The following STK10 variants were observed in gnomAD, a reference collection of about 807,000 sequenced individuals.
STK10 encodes serine/threonine-protein kinase 10.
A neutral mutation model predicts 113.8 loss-of-function variants in STK10; 78 were observed. The observed-to-expected ratio is 0.69, with a 90% CI of 0.57 to 0.83. The LOEUF is 0.83. Among genes scored for constraint, STK10 ranks in the 40% least tolerant of loss-of-function variants. The pLI is 0.00. For synonymous variants in STK10, 465 were observed against 494.7 expected (o/e 0.94, Z 0.80); for missense variants, 1,109 against 1,280.1 (o/e 0.87, Z 2.04).
At position 172,105,724 on chromosome 5, in the gene STK10, G is replaced by T. The variant is rs35826078; in HGVS notation, c.802C>A (p.Arg268Ser). Reference protein sequence around the residue: ...LTPSKWSVEFRDFLKIALDKN... With the variant: ...LTPSKWSVEFSDFLKIALDKN... Reference sequence around the variant, plus strand: ...TCCAGGGCTATCTTCAGGAAGTCACGGAACTCTACAGACCTGGGAGGACAG... The same window carrying T: ...TCCAGGGCTATCTTCAGGAAGTCACTGAACTCTACAGACCTGGGAGGACAG... The change falls in exon 7 of 19, where the codon CGT (arginine) becomes AGT (serine). Residue 268 changes from arginine to serine, a missense_variant. This residue lies in a region of STK10 where 885 missense variants were observed against 991.1 expected (regional missense o/e 0.89). Coordinates refer to ENST00000176763, the MANE Select transcript of STK10 (RefSeq NM_005990.4). 3 of 1,613,644 alleles carry T rather than the reference G, an allele frequency of 1.9e-6. No homozygotes were observed. The highest frequency in any genetic ancestry group is 2.5e-6 in the Non-Finnish European group (3 of 1,180,010).
chr5:172,064,759 C>T lies in STK10; in HGVS notation c.2043G>A (p.Lys681=), dbSNP rs563727952. Residue 681 remains lysine, a synonymous_variant, in exon 13 of 19, where the codon AAG becomes AAA. Coordinates refer to ENST00000176763, the MANE Select transcript of STK10 (RefSeq NM_005990.4). ...LPRQQRKESM[K]QKMEEHTQKK... Reference sequence around the variant, plus strand: ...TCTGCGTGTGCTCCTCCATCTTCTGCTTCATGCTTTCCTTCCGCTGCTGTC... The same window carrying T: ...TCTGCGTGTGCTCCTCCATCTTCTGTTTCATGCTTTCCTTCCGCTGCTGTC... 3.1e-6 allele frequency: 5 copies of T among 1,614,190 alleles called. No homozygotes were observed. The highest frequency in any genetic ancestry group is 2.2e-5 in the East Asian group (1 of 44,894).
intron 4 of STK10, among the ~76,000 whole-genome samples, chr5:172,114,290 G>A (rs1344294911): frequency 1.5e-5 from 1 of 64,562 alleles, no homozygotes; most frequent in Non-Finnish European, 2.9e-5. Context: ...AGCTACTCTC[G>A]TGTGTGTGTG....
chr5:172,112,305 G>A (rs6892805), intron 4 of STK10, among the ~76,000 whole-genome samples: 6 of 151,790 alleles, frequency 4.0e-5, no homozygotes, highest in South Asian at 2.1e-4. Context: ...ATGTCTGCAC[G>A]CATGTGCATA....
Position 172,093,320 on chromosome 5 carries a change from GA to G in STK10, c.1554+91del, listed in dbSNP as rs1768762063. 1 of 1,364,368 alleles carries G rather than the reference GA, an allele frequency of 7.3e-7. No homozygotes were observed. Among genetic ancestry groups the G allele is most frequent in the Non-Finnish European group, 1.0e-6 (1 of 1,000,038 alleles). The allele number at this position is 1,364,368 out of a possible 1,614,324, so 84.5% of individuals were successfully genotyped here. On this transcript the variant is annotated intron_variant, in intron 9 of 18. Transcript: ENST00000176763. This position sits in a 1 kb window ranked among gnomAD's most constrained non-coding sequence, Gnocchi z 4.1. ...CCTAATGAACCACTTAAAATGCAAG[GA>G]AGCCCCTAAATGCTTTTGAAACCAA...
Position 172,105,710 on chromosome 5 carries a change from C to A in STK10, c.816G>T (p.Lys272Asn), listed in dbSNP as rs1581158656. The A allele has an allele frequency of 6.2e-7, 1 of 1,613,872 alleles. No homozygotes were observed. The highest frequency in any genetic ancestry group is 8.5e-7 in the Non-Finnish European group (1 of 1,180,018). Residue 272 changes from lysine (K) to asparagine (N), a missense_variant, in exon 7 of 19, where the codon AAG becomes AAT. Coordinates refer to ENST00000176763, the MANE Select transcript of STK10 (RefSeq NM_005990.4). ...TTTCTGGGTTCTTATCCAGGGCTATCTTCAGGAAGTCACGGAACTCTACAG... is the reference window on the plus strand; with the variant it reads ...TTTCTGGGTTCTTATCCAGGGCTATATTCAGGAAGTCACGGAACTCTACAG... ...KWSVEFRDFL[K>N]IALDKNPETR...
intron 1 of STK10, among the ~76,000 whole-genome samples, chr5:172,164,940 C>A (rs565045443): frequency 1.3e-5 from 2 of 152,242 alleles, no homozygotes; most frequent in Non-Finnish European, 2.9e-5. Context: ...CACACCCTTG[C>A]GAGCAGATAC....
At chr5:172,071,785 A>C (rs1323954982) in intron 12 of STK10, among the ~76,000 whole-genome samples, 1 of 152,114 alleles carries the variant, frequency 6.6e-6, no homozygotes, top group Non-Finnish European at 1.5e-5. Context: ...TCTCTCTCTC[A>C]GGGTGTACTG....
intron 13 of STK10, among the ~76,000 whole-genome samples, chr5:172,061,977 T>TTTC (rs370669766): frequency 3.1e-4 from 47 of 149,892 alleles, no homozygotes; most frequent in African/African-American, 1.1e-3. Context: ...TTACTTTTCT[T>TTTC]TTTTCTTTTT....
At chr5:172,058,565 A>G (rs1482219996) in intron 14 of STK10, among the ~76,000 whole-genome samples, 1 of 152,090 alleles carries the variant, frequency 6.6e-6, no homozygotes, top group Non-Finnish European at 1.5e-5. Context: ...ACCAAACTCA[A>G]ATTTGTACCC....
At chr5:172,130,906 T>C (rs986070194) in intron 2 of STK10, among the ~76,000 whole-genome samples, 1 of 151,864 alleles carries the variant, frequency 6.6e-6, no homozygotes, top group African/African-American at 2.4e-5. Context: ...TACAAAAATA[T>C]GCCTTCCTCT....
At chr5:172,086,286 C>A (rs964002361) in intron 10 of STK10, among the ~76,000 whole-genome samples, 5 of 152,124 alleles carry the variant, frequency 3.3e-5, no homozygotes, top group African/African-American at 1.2e-4. Flanking sequence ...TCTACAGCCA[C>A]AGAGGGAAGA....
Position 172,093,457 on chromosome 5 carries a change from GGA to G in STK10, c.1507_1508del (p.Ser503HisfsTer2). The G allele has an allele frequency of 6.2e-7, 1 of 1,613,516 alleles. No individual in the cohort carries two copies. Among genetic ancestry groups the G allele is most frequent in the Non-Finnish European group, 8.5e-7 (1 of 1,179,534 alleles). On this transcript the variant is annotated frameshift_variant, in exon 9 of 19. Coordinates refer to ENST00000176763, the MANE Select transcript of STK10 (RefSeq NM_005990.4). LOFTEE classifies it high-confidence loss of function. The surrounding 1 kb of genome is among the most constrained non-coding windows in gnomAD (Gnocchi z 4.1). The stretch of plus-strand genomic sequence containing the variant: ...TCTCTTTGTTCAGCGACAGGTCAGT[GGA>G]GAGATTGGTACCATAGTCCATGCTC... ...SESMDYGTNL[S>X]TDLSLNKEMG...
chr5:172,095,475 C>T (rs544381263), intron 8 of STK10, among the ~76,000 whole-genome samples: 1 of 152,348 alleles, frequency 6.6e-6, no homozygotes, highest in South Asian at 2.1e-4. Context: ...TCTATCGGCT[C>T]AGCCAGCCAC....
chr5:172,121,503 C>G (rs1255667898), intron 3 of STK10, among the ~76,000 whole-genome samples: 1 of 151,386 alleles, frequency 6.6e-6, no homozygotes, highest in African/African-American at 2.4e-5. Flanking sequence ...CCACACTCAG[C>G]TAGTTTATAA....
intron 8 of STK10, among the ~76,000 whole-genome samples, chr5:172,094,744 T>C (rs1768808417): frequency 6.6e-6 from 1 of 152,288 alleles, no homozygotes; most frequent in Middle Eastern, 3.4e-3. Flanking sequence ...ATCTCTTAAT[T>C]TTTAGGTGGC....
intron 2 of STK10, among the ~76,000 whole-genome samples, chr5:172,139,493 G>GAAAA (rs551856973): frequency 8.9e-4 from 95 of 106,596 alleles, no homozygotes; most frequent in African/African-American, 2.7e-3. Flanking sequence ...CCCATCTCTG[G>GAAAA]AAAAAAAAAA....
chr5:172,093,294 C>G lies in STK10; in HGVS notation c.1554+118G>C. ...TAAACTATGAGTCAAACCCAAAACC[C>G]CCTAATGAACCACTTAAAATGCAAG... is the stretch of plus-strand genomic sequence containing the variant. On this transcript the variant is annotated intron_variant, in intron 9 of 18. Transcript: ENST00000176763. This position sits in a 1 kb window ranked among gnomAD's most constrained non-coding sequence, Gnocchi z 4.1. 1 of 1,110,744 alleles carries G rather than the reference C, an allele frequency of 9.0e-7. No individual in the cohort carries two copies. 68.8% of individuals were successfully genotyped at this position (1,110,744 alleles called of 1,614,324 possible).
At chr5:172,147,896 G>A (rs1224134897) in intron 2 of STK10, among the ~76,000 whole-genome samples, 1 of 152,190 alleles carries the variant, frequency 6.6e-6, no homozygotes, top group African/African-American at 2.4e-5. Context: ...TGTAATAAGG[G>A]CTATGGGAGT....
Position 172,188,156 on chromosome 5 carries a change from C to A in STK10, c.-114G>T. The A allele has an allele frequency of 2.1e-6, 3 of 1,459,014 alleles. No individual in the cohort carries two copies. The highest frequency in any genetic ancestry group is 2.7e-6 in the Non-Finnish European group (3 of 1,101,328). The allele number at this position is 1,459,014 out of a possible 1,614,324, so 90.4% of individuals were successfully genotyped here. On this transcript the variant is annotated 5_prime_UTR_variant, in exon 1 of 19. Coordinates refer to ENST00000176763, the MANE Select transcript of STK10 (RefSeq NM_005990.4). This position sits in a 1 kb window ranked among gnomAD's most constrained non-coding sequence, Gnocchi z 5.6. ...AGGACGCCGCGTCTCTCGGGGTTCT[C>A]CCCAGACCCGCCTTTCCCCGCAGCC... is the stretch of plus-strand genomic sequence containing the variant.
Sources: gnomAD v4.1 joint callset for allele counts (sites outside exome capture counted in the v4.1 genomes callset) on GRCh38, gnomAD v4.1.1 for gene constraint, gnomAD v4.1.1 regional missense constraint, Gnocchi (gnomAD v3.1) non-coding constraint, MANE v1.5 for transcripts, NCBI Gene and HGNC (gene_info 2026-07-23, HGNC 2026-07-21) for gene names.